The following DGKB variants were observed in gnomAD, a reference collection of about 807,000 sequenced individuals.
DGKB encodes the protein diacylglycerol kinase beta.
Under a neutral mutation model 114.3 loss-of-function variants are expected in DGKB, and 67 were observed. That is an observed-to-expected ratio of 0.59 (90% CI 0.48 to 0.72). The LOEUF (loss-of-function observed/expected upper bound fraction) is 0.72. Ranked by LOEUF, DGKB falls within the 30% of genes least tolerant of loss-of-function variation. The probability of loss-of-function intolerance (pLI) is 0.00; values close to 1 mark genes in which losing one functional copy is unlikely to be tolerated. For synonymous variants in DGKB, 398 were observed against 323.1 expected, an observed-to-expected ratio of 1.23 and a Z score of -2.49; for missense variants, 907 against 975.2, an observed-to-expected ratio of 0.93 and a Z score of 0.93.
At chr7:14,803,484 T>G (rs1344473590) in intron 2 of DGKB, among the ~76,000 whole-genome samples, 2 of 152,186 alleles carry the variant, frequency 1.3e-5, no homozygotes, top group Non-Finnish European at 2.9e-5. Context: ...CTCACCATTA[T>G]TTTACTTTTA....
intron 23 of DGKB, among the ~76,000 whole-genome samples, chr7:14,213,006 T>C (rs548049236): frequency 5.3e-5 from 8 of 152,210 alleles, no homozygotes; most frequent in Admixed American, 1.3e-4. Context: ...TACACAGAGG[T>C]AATACTAATT....
chr7:14,726,364 T>C (rs1461290549), intron 5 of DGKB, among the ~76,000 whole-genome samples: 1 of 151,988 alleles, frequency 6.6e-6, no homozygotes. Flanking sequence ...GGTTTCTAAC[T>C]CCTGACCTCA....
chr7:14,554,931 A>C (rs1795665042), intron 20 of DGKB, among the ~76,000 whole-genome samples: 1 of 152,276 alleles, frequency 6.6e-6, no homozygotes, highest in South Asian at 2.1e-4. Flanking sequence ...TTTAAAAGTT[A>C]ATGAGTTTTA....
chr7:14,630,687 C>G (rs1387155457), intron 13 of DGKB, among the ~76,000 whole-genome samples: 1 of 151,978 alleles, frequency 6.6e-6, no homozygotes, highest in East Asian at 1.9e-4. Flanking sequence ...ACAGACATAG[C>G]TTATGATGTT....
At chr7:14,196,843 G>C (rs1415684884) in intron 23 of DGKB, among the ~76,000 whole-genome samples, 3 of 152,016 alleles carry the variant, frequency 2.0e-5, no homozygotes, top group Non-Finnish European at 2.9e-5. Context: ...GAAGGACTTA[G>C]ATAAGTACAA....
chr7:14,682,491 G>T, intron 12 of DGKB, 62 bp downstream of exon 12: 1 of 1,116,878 alleles, frequency 9.0e-7, no homozygotes, highest in Non-Finnish European at 1.4e-6. Flanking sequence ...CTTTCAGAGA[G>T]TATGATATAC....
At chr7:14,501,835 G>A (rs2128955872) in intron 20 of DGKB, among the ~76,000 whole-genome samples, 1 of 151,978 alleles carries the variant, frequency 6.6e-6, no homozygotes, top group Admixed American at 6.6e-5. Flanking sequence ...CTATATTCAA[G>A]GAGCTGTACC....
intron 23 of DGKB, among the ~76,000 whole-genome samples, chr7:14,291,621 T>C (rs1801782526): frequency 1.3e-5 from 2 of 151,288 alleles, no homozygotes. Flanking sequence ...CTTTCTGACA[T>C]TTTTGTTTTG....
At chr7:14,539,417 G>T (rs759694554) in intron 20 of DGKB, among the ~76,000 whole-genome samples, 17 of 151,998 alleles carry the variant, frequency 1.1e-4, no homozygotes, top group Non-Finnish European at 2.5e-4. Flanking sequence ...GATGAATAAA[G>T]CTTAATCAAT....
At chr7:14,458,591 A>T (rs1199611940) in intron 21 of DGKB, among the ~76,000 whole-genome samples, 1 of 152,164 alleles carries the variant, frequency 6.6e-6, no homozygotes, top group Non-Finnish European at 1.5e-5. Context: ...CAGGAAGCAC[A>T]AGGGGTCAGA....
chr7:14,245,960 C>T (rs77386675), intron 23 of DGKB, among the ~76,000 whole-genome samples: 6,655 of 152,148 alleles, frequency 0.044, 457 homozygotes, highest in African/African-American at 0.15. Flanking sequence ...GAACAGAAAA[C>T]ATGCTTTCAT....
At chr7:14,750,172 A>G (rs1419080346) in intron 4 of DGKB, 3 of 518,096 alleles carry the variant, frequency 5.8e-6, no homozygotes, top group Non-Finnish European at 7.7e-6. Context: ...CACTGAAGAC[A>G]TAAATATTTC....
chr7:14,406,648 G>A (rs971918891), intron 21 of DGKB, among the ~76,000 whole-genome samples: 10 of 151,968 alleles, frequency 6.6e-5, no homozygotes, highest in Admixed American at 3.9e-4. Flanking sequence ...ACCCACTTTA[G>A]GACTATCTAT....
intron 16 of DGKB, among the ~76,000 whole-genome samples, chr7:14,608,968 C>T (rs1805022787): frequency 6.6e-6 from 1 of 151,974 alleles, no homozygotes; most frequent in African/African-American, 2.4e-5. Context: ...GAATCACTAT[C>T]GTTAAATGGC....
chr7:14,716,330 C>A (rs1828180025), intron 6 of DGKB, among the ~76,000 whole-genome samples: 2 of 152,174 alleles, frequency 1.3e-5, no homozygotes, highest in African/African-American at 4.8e-5. Context: ...CTGCAGGTGA[C>A]TCTGATGTGT....
At chr7:14,151,150 A>C (rs1782134272) in intron 25 of DGKB, among the ~76,000 whole-genome samples, 1 of 152,088 alleles carries the variant, frequency 6.6e-6, no homozygotes, top group South Asian at 2.1e-4. Flanking sequence ...ATAACCTTAG[A>C]TTCAAACAGA....
chr7:14,405,873 G>A (rs1296383816), intron 21 of DGKB, among the ~76,000 whole-genome samples: 1 of 151,956 alleles, frequency 6.6e-6, no homozygotes, highest in Non-Finnish European at 1.5e-5. Context: ...AACCGAGGCA[G>A]GAAAGAGTTT....
At chr7:14,576,945 T>C (rs1184331567) in intron 19 of DGKB, among the ~76,000 whole-genome samples, 1 of 152,174 alleles carries the variant, frequency 6.6e-6, no homozygotes, top group Non-Finnish European at 1.5e-5. Flanking sequence ...TTCACATAGA[T>C]AAACTCTGAA....
chr7:14,578,983 C>T (rs1433866458), intron 19 of DGKB, among the ~76,000 whole-genome samples: 2 of 152,168 alleles, frequency 1.3e-5, no homozygotes, highest in African/African-American at 4.8e-5. Context: ...ACCTGCATTC[C>T]TTCCTTCAGT....
Sources: allele counts gnomAD v4.1 joint callset (sites outside exome capture counted in the v4.1 genomes callset), GRCh38; gene constraint gnomAD v4.1.1; transcripts MANE v1.5; gene names NCBI Gene and HGNC (gene_info 2026-07-23, HGNC 2026-07-21).